Variants in RGS6 observed in about 807,000 individuals in gnomAD.
RGS6 encodes the protein regulator of G-protein signaling 6.
In RGS6, 30 loss-of-function variants were observed where a neutral mutation model predicts 78.5. That is an observed-to-expected ratio of 0.38 (90% CI 0.29 to 0.52). The LOEUF is 0.52. Ranked by LOEUF, RGS6 falls within the 20% of genes least tolerant of loss-of-function variation. RGS6 has a pLI of 0.85. For missense variants in RGS6, 495 were observed against 609.7 expected (o/e 0.81, Z 1.98); for synonymous variants, 206 against 206.0 (o/e 1.00, Z 0.00).
At chr14:72,142,174 C>T (rs192887678) in intron 2 of RGS6, among the ~76,000 whole-genome samples, 13 of 152,224 alleles carry the variant, frequency 8.5e-5, no homozygotes, top group African/African-American at 2.9e-4. Context: ...TTCCTCTCCT[C>T]GTAGAGTGAT....
chr14:72,009,204 A>C (rs1424193535), intron 2 of RGS6, among the ~76,000 whole-genome samples: 3 of 152,184 alleles, frequency 2.0e-5, no homozygotes, highest in Non-Finnish European at 4.4e-5. Flanking sequence ...ACAGAAAATT[A>C]GCCACGCATG....
At chr14:72,540,140 G>GT in intron 17 of RGS6, 46 bp downstream of exon 17, 3 of 1,544,992 alleles carry the variant, frequency 1.9e-6, no homozygotes, top group Non-Finnish European at 2.6e-6. Context: ...TTTGGTTTTG[G>GT]TTTTTTCTTT....
rs1201498031 is a variant in RGS6, at chr14:72,298,431, CTTTTT to C, written c.85-53644_85-53640del. Among the ~76,000 whole-genome samples the C allele has an allele frequency of 2.0e-3, 171 of 83,746 alleles. 1 individual carries two copies. The highest frequency in any genetic ancestry group is 4.2e-3 in the Admixed American group (27 of 6,458). 54.9% of individuals were successfully genotyped at this position (83,746 alleles called of 152,430 possible). On this transcript the variant is annotated intron_variant, in intron 2 of 17. Coordinates refer to ENST00000553525, the MANE Select transcript of RGS6 (RefSeq NM_001204424.2). ...AATGAGAGATATTGTCATTAATGTT[CTTTTT>C]TTTTTTTTTTTTTTTTTTTCCCCCC...
the RGS6 span, among the ~76,000 whole-genome samples, chr14:72,583,256 A>T: frequency 3.3e-5 from 5 of 152,246 alleles, no homozygotes; most frequent in African/African-American, 9.6e-5. Flanking sequence ...AGCTCTCAGA[A>T]AACCTGTCAT....
chr14:72,199,335 G>A (rs1371981687), intron 2 of RGS6, among the ~76,000 whole-genome samples: 1 of 152,172 alleles, frequency 6.6e-6, no homozygotes, highest in Non-Finnish European at 1.5e-5. Flanking sequence ...ACTTATGTTG[G>A]TGTCAGAATT....
At chr14:72,401,896 CA>C (rs1436958576) in intron 3 of RGS6, among the ~76,000 whole-genome samples, 1 of 152,108 alleles carries the variant, frequency 6.6e-6, no homozygotes, top group African/African-American at 2.4e-5. Flanking sequence ...TCAGAGGAAA[CA>C]GATGGCTCAC....
At position 72,475,949 on chromosome 14, in the gene RGS6, T is replaced by C. The variant is rs147831493; in HGVS notation, c.694-793T>C. On this transcript the variant is annotated intron_variant, in intron 10 of 17. Coordinates refer to ENST00000553525, the MANE Select transcript of RGS6 (RefSeq NM_001204424.2). ...TCCACTGTATTATATTTTAAAATGT[T>C]AGTCCTAAAATGTCCTCATTTCATC... Among the ~76,000 whole-genome samples, 310 of 152,282 alleles carry C rather than the reference T, an allele frequency of 2.0e-3. 1 individual carries two copies. Among genetic ancestry groups the C allele is most frequent in the East Asian group, 9.3e-3 (48 of 5,186 alleles).
chr14:72,359,903 C>T (rs2081122680), intron 3 of RGS6, among the ~76,000 whole-genome samples: 1 of 109,574 alleles, frequency 9.1e-6, no homozygotes, highest in Non-Finnish European at 1.7e-5. Flanking sequence ...AGCAAAAATC[C>T]TTATTGGGTG....
chr14:72,251,936 T>A (rs2055895228), intron 2 of RGS6, among the ~76,000 whole-genome samples: 1 of 152,258 alleles, frequency 6.6e-6, no homozygotes, highest in Non-Finnish European at 1.5e-5. Context: ...CATTTTCTAA[T>A]GACTATTAGC....
intron 2 of RGS6, among the ~76,000 whole-genome samples, chr14:72,148,033 A>G (rs1345598791): frequency 6.6e-6 from 1 of 151,572 alleles, no homozygotes; most frequent in African/African-American, 2.4e-5. Context: ...CAGGAGACTA[A>G]GGCAGGAGAA....
At chr14:72,411,006 G>T (rs537553579) in intron 3 of RGS6, among the ~76,000 whole-genome samples, 93 of 152,320 alleles carry the variant, frequency 6.1e-4, no homozygotes, top group African/African-American at 2.1e-3. Context: ...GTAGCGTGAT[G>T]CCTCCAGCTT....
At chr14:71,888,198 G>C in the RGS6 span, among the ~76,000 whole-genome samples, 1 of 151,970 alleles carries the variant, frequency 6.6e-6, no homozygotes, top group South Asian at 2.1e-4. Flanking sequence ...AGCTGAGATC[G>C]CGCCACTGCA....
intron 2 of RGS6, among the ~76,000 whole-genome samples, chr14:72,145,623 C>T (rs1470353232): frequency 1.3e-5 from 2 of 152,154 alleles, no homozygotes; most frequent in African/African-American, 2.4e-5. Context: ...GGATTACAGG[C>T]ATCTGCCACC....
intron 2 of RGS6, among the ~76,000 whole-genome samples, chr14:72,056,352 T>C (rs1045260676): frequency 5.9e-5 from 9 of 152,184 alleles, no homozygotes; most frequent in African/African-American, 2.2e-4. Flanking sequence ...TTATCTTCTC[T>C]ATACTTACAT....
intron 3 of RGS6, among the ~76,000 whole-genome samples, chr14:72,437,278 T>C (rs946434351): frequency 7.2e-6 from 1 of 137,952 alleles, no homozygotes; most frequent in Admixed American, 8.1e-5. Flanking sequence ...GAGGCGGGGG[T>C]TGCAGTGAGC....
At chr14:72,001,234 A>G (rs2083361779) in intron 2 of RGS6, among the ~76,000 whole-genome samples, 2 of 151,044 alleles carry the variant, frequency 1.3e-5, no homozygotes, top group African/African-American at 5.0e-5. Flanking sequence ...TTCAGTGGGA[A>G]ACAATGAGTC....
At chr14:72,531,590 A>G (rs1199417105) in intron 15 of RGS6, among the ~76,000 whole-genome samples, 1 of 152,176 alleles carries the variant, frequency 6.6e-6, no homozygotes, top group Non-Finnish European at 1.5e-5. Flanking sequence ...TTGGGTTCCA[A>G]CCAAAGATGA....
intron 2 of RGS6, among the ~76,000 whole-genome samples, chr14:72,144,241 C>A (rs1312517642): frequency 6.6e-6 from 1 of 152,146 alleles, no homozygotes; most frequent in African/African-American, 2.4e-5. Flanking sequence ...CACTCTCTTT[C>A]CATTTCTTCC....
At chr14:71,904,082 C>T in the RGS6 span, among the ~76,000 whole-genome samples, 4 of 152,156 alleles carry the variant, frequency 2.6e-5, no homozygotes, top group African/African-American at 4.8e-5. Flanking sequence ...TAATTAAATG[C>T]ACAAGAAGAA....
Sources: allele counts gnomAD v4.1 joint callset (sites outside exome capture counted in the v4.1 genomes callset), GRCh38; gene constraint gnomAD v4.1.1; transcripts MANE v1.5; gene names NCBI Gene and HGNC (gene_info 2026-07-23, HGNC 2026-07-21).